The following STOX2 variants were observed in gnomAD, a reference collection of about 807,000 sequenced individuals.
STOX2 encodes storkhead-box protein 2.
A neutral mutation model predicts 60.9 loss-of-function variants in STOX2; 28 were observed. That is an observed-to-expected ratio of 0.46 (90% CI 0.34 to 0.63). The LOEUF (loss-of-function observed/expected upper bound fraction) is 0.63. STOX2 is among the 30% of genes least tolerant of loss of function. The pLI is 0.01. For synonymous variants in STOX2, 472 were observed against 463.9 expected (o/e 1.02, Z -0.22); for missense variants, 1,024 against 1,187.7 (o/e 0.86, Z 2.03).
rs1311132969 is a variant in STOX2, at chr4:184,020,987, C to T, written c.*3703C>T. ...TTTAGGTTGGCGCAGCTTTGCAAAA[C>T]TCTACCCAGGATAAACCACTTATCA... is the stretch of plus-strand genomic sequence containing the variant. On this transcript the variant is annotated 3_prime_UTR_variant, in exon 4 of 4. Coordinates refer to ENST00000308497, the MANE Select transcript of STOX2 (RefSeq NM_020225.3). The T allele has an allele frequency of 2.6e-5, 4 of 152,222 alleles. No individual in the cohort carries two copies. The highest frequency in any genetic ancestry group is 9.7e-5 in the African/African-American group (4 of 41,448). 9.4% of individuals were successfully genotyped at this position (152,222 alleles called of 1,614,324 possible).
At chr4:183,853,953 G>A (rs1441981194) in intron 1 of STOX2, 2 of 152,234 alleles carry the variant, frequency 1.3e-5, no homozygotes, top group Non-Finnish European at 2.9e-5. Flanking sequence ...TTCTGGCGAT[G>A]TTAGAACTTG....
chr4:184,002,259 A>G (rs1420506002), intron 2 of STOX2, among the ~76,000 whole-genome samples: 1 of 152,232 alleles, frequency 6.6e-6, no homozygotes, highest in Non-Finnish European at 1.5e-5. Flanking sequence ...TGCAAGTCAA[A>G]TGAAATACAT....
intron 3 of STOX2, chr4:184,014,983 C>T (rs11733294): frequency 0.52 from 78,546 of 151,982 alleles, 23,355 homozygotes; most frequent in Non-Finnish European, 0.69. Context: ...ATACGTCATT[C>T]GTAATACATG....
At chr4:183,981,440 C>A (rs1732655305) in intron 1 of STOX2, among the ~76,000 whole-genome samples, 1 of 151,618 alleles carries the variant, frequency 6.6e-6, no homozygotes, top group Non-Finnish European at 1.5e-5. Flanking sequence ...GTCTGAGATA[C>A]ACTCAGGCAT....
chr4:184,008,693 C>T (rs1206057716), intron 2 of STOX2, among the ~76,000 whole-genome samples: 1 of 152,196 alleles, frequency 6.6e-6, no homozygotes, highest in Non-Finnish European at 1.5e-5. Flanking sequence ...CACACAGTAA[C>T]TCTTCTGTGG....
intron 1 of STOX2, among the ~76,000 whole-genome samples, chr4:183,892,229 G>C (rs372316923): frequency 6.6e-6 from 1 of 152,186 alleles, no homozygotes; most frequent in Non-Finnish European, 1.5e-5. Flanking sequence ...GAGCCACCTC[G>C]GGAAACCCTG....
chr4:183,976,193 T>G (rs1732437359), intron 1 of STOX2, among the ~76,000 whole-genome samples: 1 of 152,188 alleles, frequency 6.6e-6, no homozygotes, highest in Non-Finnish European at 1.5e-5. Flanking sequence ...ATGCCTGTAG[T>G]CCCAGCTACG....
chr4:183,819,460 A>G lies in STOX2; in HGVS notation c.364+21405A>G, dbSNP rs551860025. The stretch of plus-strand genomic sequence containing the variant: ...CTGGGCAGGTTGAGGCAGGAGAATC[A>G]GGCAGGGAGGTTGCAGTGAGCAGAG... On this transcript the variant is annotated intron_variant, in intron 1 of 2. Transcript: ENST00000513034. 5.3e-4 allele frequency among the ~76,000 whole-genome samples: 80 copies of G among 151,122 alleles called. No individual in the cohort carries two copies. The East Asian group carries it at 5.9e-3, about 11-fold the overall frequency.
intron 1 of STOX2, among the ~76,000 whole-genome samples, chr4:183,911,138 C>T (rs757501609): frequency 2.3e-5 from 3 of 128,602 alleles, no homozygotes; most frequent in Non-Finnish European, 4.9e-5. Flanking sequence ...CTTCTGAACA[C>T]TTACACATAA....
intron 1 of STOX2, among the ~76,000 whole-genome samples, chr4:183,819,815 C>T (rs1016075056): frequency 6.6e-6 from 1 of 152,196 alleles, no homozygotes; most frequent in African/African-American, 2.4e-5. Context: ...TCTCCCTTTG[C>T]TTTGCTGGCT....
At chr4:183,938,274 G>A (rs1023264429) in intron 1 of STOX2, among the ~76,000 whole-genome samples, 1 of 152,130 alleles carries the variant, frequency 6.6e-6, no homozygotes, top group Non-Finnish European at 1.5e-5. Context: ...AAACATAAAA[G>A]CATTTTAGAT....
At chr4:183,992,676 C>T (rs1271952768) in intron 1 of STOX2, among the ~76,000 whole-genome samples, 1 of 152,208 alleles carries the variant, frequency 6.6e-6, no homozygotes, top group East Asian at 1.9e-4. Flanking sequence ...GGTATTTCAT[C>T]ATAACTTTAT....
At chr4:183,925,362 C>T (rs1021309374) in intron 1 of STOX2, among the ~76,000 whole-genome samples, 1 of 151,804 alleles carries the variant, frequency 6.6e-6, no homozygotes, top group African/African-American at 2.4e-5. Context: ...ACTTTTTTTT[C>T]GGTAGAGTTG....
rs565034523 is a variant in STOX2 at position 183,814,899 on chromosome 4, C to T, written c.364+16844C>T. Among the ~76,000 whole-genome samples the T allele has an allele frequency of 6.4e-4, 97 of 151,996 alleles. 1 individual carries two copies. The South Asian group carries it at 0.013, about 20-fold the overall frequency. ...TTCTTCATTTTCAGATTTTCTTTAG[C>T]GATAAATGATGTTACTTTGAGTATA... is the stretch of plus-strand genomic sequence containing the variant. On this transcript the variant is annotated intron_variant, in intron 1 of 2. Transcript: ENST00000513034.
At chr4:183,916,369 T>C (rs1295756153) in intron 1 of STOX2, among the ~76,000 whole-genome samples, 1 of 152,240 alleles carries the variant, frequency 6.6e-6, no homozygotes, top group Non-Finnish European at 1.5e-5. Flanking sequence ...AGAGCAGAGA[T>C]GCGGACCTCA....
At chr4:183,855,157 G>A (rs1740257252) in intron 1 of STOX2, among the ~76,000 whole-genome samples, 1 of 152,188 alleles carries the variant, frequency 6.6e-6, no homozygotes, top group African/African-American at 2.4e-5. Flanking sequence ...TCGAATACGA[G>A]GTTAGCAAGT....
chr4:183,964,903 T>C (rs1743518901), intron 1 of STOX2, among the ~76,000 whole-genome samples: 1 of 152,218 alleles, frequency 6.6e-6, no homozygotes, highest in South Asian at 2.1e-4. Flanking sequence ...AGTTTTTACA[T>C]TGAAACGTTA....
chr4:183,865,879 G>A lies in STOX2; in HGVS notation c.364+67824G>A, dbSNP rs546851521. Among the ~76,000 whole-genome samples the A allele has an allele frequency of 4.2e-4, 64 of 152,118 alleles. No homozygotes were observed. The highest frequency in any genetic ancestry group is 7.2e-4 in the Non-Finnish European group (49 of 68,028). ...GGCTTTTTTCTTTTTAACCACTTAG[G>A]CATTGTGAGTCCATTAAAACAACGT... On this transcript the variant is annotated intron_variant, in intron 1 of 2. Coordinates refer to the STOX2 transcript ENST00000513034. This position sits in a 1 kb window ranked among gnomAD's most constrained non-coding sequence, Gnocchi z 4.1.
rs886790078 is a variant in STOX2 at position 183,886,763 on chromosome 4, A to G, written c.364+88708A>G. Among the ~76,000 whole-genome samples, 17 of 152,236 alleles carry G rather than the reference A, an allele frequency of 1.1e-4. No homozygotes were observed. The South Asian group carries it at 3.1e-3, about 28-fold the overall frequency. On this transcript the variant is annotated intron_variant, in intron 1 of 2. Coordinates refer to the STOX2 transcript ENST00000513034. ...TTTTGAACAGCCATTCCCCAAGCAC[A>G]GACGTCTCATTAGTTGAACACAGAG...
Sources: gnomAD v4.1 joint callset for allele counts (sites outside exome capture counted in the v4.1 genomes callset) on GRCh38, gnomAD v4.1.1 for gene constraint, Gnocchi (gnomAD v3.1) non-coding constraint, MANE v1.5 for transcripts, NCBI Gene and HGNC (gene_info 2026-07-23, HGNC 2026-07-21) for gene names.